HMG20A: variants seen among roughly 807,000 people sequenced by gnomAD.
The protein encoded by HMG20A is high mobility group 20A, also known as high mobility group protein 20A.
HMG20A carries 17 observed loss-of-function variants against 43.9 expected under a neutral mutation model. That is an observed-to-expected ratio of 0.39 (90% CI 0.27 to 0.58). HMG20A has a LOEUF of 0.58. Among genes scored for constraint, HMG20A ranks in the 20% least tolerant of loss-of-function variants. HMG20A has a pLI of 0.59. For missense variants in HMG20A, 341 were observed against 438.2 expected, an observed-to-expected ratio of 0.78 and a Z score of 1.98; for synonymous variants, 132 against 147.5, an observed-to-expected ratio of 0.89 and a Z score of 0.76.
chr15:77,486,237 A>AGGAGATGT (rs1290518962), downstream of HMG20A, among the ~76,000 whole-genome samples: 1 of 151,248 alleles, frequency 6.6e-6, no homozygotes, highest in Admixed American at 6.6e-5. Flanking sequence ...GATAGAAGAA[A>AGGAGATGT]GGAGATGTGC....
At chr15:77,435,848 A>G (rs891391059) in intron 1 of HMG20A, among the ~76,000 whole-genome samples, 8 of 150,726 alleles carry the variant, frequency 5.3e-5, no homozygotes, top group African/African-American at 1.7e-4. Context: ...ATAGTCTGAC[A>G]CCACGCATTC....
the HMG20A span, among the ~76,000 whole-genome samples, chr15:77,513,386 A>C: frequency 2.0e-5 from 3 of 152,182 alleles, no homozygotes; most frequent in Non-Finnish European, 2.9e-5. Flanking sequence ...AGAAGTGCTT[A>C]TGTTTGCCAA....
At chr15:77,456,231 CAG>C (rs1302839077) in intron 1 of HMG20A, among the ~76,000 whole-genome samples, 1 of 152,172 alleles carries the variant, frequency 6.6e-6, no homozygotes, top group African/African-American at 2.4e-5. Flanking sequence ...AACACTCTAA[CAG>C]GGTCATGTTG....
intron 4 of HMG20A, 106 bp from the exon 5 acceptor site, chr15:77,470,804 C>A (rs950126126): frequency 1.0e-6 from 1 of 987,398 alleles, no homozygotes; most frequent in Non-Finnish European, 1.4e-6. Context: ...TCCCTATATT[C>A]TTTTCTTCCC....
chr15:77,511,544 C>G, the HMG20A span, among the ~76,000 whole-genome samples: 1 of 152,132 alleles, frequency 6.6e-6, no homozygotes, highest in Non-Finnish European at 1.5e-5. Flanking sequence ...AAGATAATAT[C>G]CAGAATATAT....
chr15:77,470,960 G>A lies in HMG20A; in HGVS notation c.501G>A (p.Leu167=). The stretch of plus-strand genomic sequence containing the variant: ...ATAAGGAGCGTTACATGAAGGAACT[G>A]GAACAGTATCAGAAAACAGAGGCCT... ...DRDKERYMKE[L]EQYQKTEAYK... is the part of the protein sequence containing the mutation. The change falls in exon 5 of 10, where the codon CTG becomes CTA. Residue 167 remains leucine, a synonymous_variant. Transcript: ENST00000336216. The A allele has an allele frequency of 1.2e-6, 2 of 1,612,556 alleles. No homozygotes were observed. Among genetic ancestry groups the A allele is most frequent in the South Asian group, 1.1e-5 (1 of 90,890 alleles).
At chr15:77,488,590 C>G (rs1473220046), downstream of HMG20A, among the ~76,000 whole-genome samples, 4 of 152,110 alleles carry the variant, frequency 2.6e-5, no homozygotes, top group South Asian at 8.3e-4. Context: ...AGGGCTTTAT[C>G]TGGAATGTAA....
chr15:77,497,934 T>C, the HMG20A span, among the ~76,000 whole-genome samples: 1 of 151,414 alleles, frequency 6.6e-6, no homozygotes, highest in Non-Finnish European at 1.5e-5. Flanking sequence ...CCCTTCTCTC[T>C]CTGGGACCAA....
the HMG20A span, among the ~76,000 whole-genome samples, chr15:77,490,610 C>A: frequency 6.6e-6 from 1 of 152,068 alleles, no homozygotes. Flanking sequence ...ATTTCTTGAG[C>A]CCAGGAGTTC....
chr15:77,447,400 T>G (rs1184227539), intron 1 of HMG20A, among the ~76,000 whole-genome samples: 4 of 152,158 alleles, frequency 2.6e-5, no homozygotes, highest in African/African-American at 7.2e-5. Context: ...GATGTTTTGG[T>G]TTTGTGGAGT....
the HMG20A span, among the ~76,000 whole-genome samples, chr15:77,495,964 G>A: frequency 2.6e-5 from 4 of 152,104 alleles, no homozygotes; most frequent in African/African-American, 4.8e-5. Flanking sequence ...CCTGAACCTC[G>A]CCACAAATTC....
At chr15:77,510,480 C>A in the HMG20A span, among the ~76,000 whole-genome samples, 9 of 152,182 alleles carry the variant, frequency 5.9e-5, no homozygotes, top group African/African-American at 2.2e-4. Context: ...AGCTTAAATG[C>A]ACTGGGGGAG....
the HMG20A span, among the ~76,000 whole-genome samples, chr15:77,511,536 G>A: frequency 2.0e-5 from 3 of 152,152 alleles, no homozygotes; most frequent in African/African-American, 7.2e-5. Flanking sequence ...AAGCACATAA[G>A]ATAATATCCA....
At chr15:77,430,784 G>A (rs1294583801) in intron 1 of HMG20A, among the ~76,000 whole-genome samples, 1 of 152,138 alleles carries the variant, frequency 6.6e-6, no homozygotes, top group Non-Finnish European at 1.5e-5. Context: ...AAGTTAATTT[G>A]TATTGCTTTA....
chr15:77,431,823 A>G (rs868804695), intron 1 of HMG20A, among the ~76,000 whole-genome samples: 2 of 148,950 alleles, frequency 1.3e-5, no homozygotes, highest in Admixed American at 6.7e-5. Flanking sequence ...GGTAACTACC[A>G]TTCTACTCTA....
chr15:77,512,440 A>C, the HMG20A span, among the ~76,000 whole-genome samples: 11 of 141,374 alleles, frequency 7.8e-5, no homozygotes, highest in Admixed American at 1.4e-4. Context: ...ATAAAAATGT[A>C]AAATTAAAGA....
intron 1 of HMG20A, among the ~76,000 whole-genome samples, chr15:77,431,175 T>C (rs2142274952): frequency 6.6e-6 from 1 of 152,268 alleles, no homozygotes; most frequent in South Asian, 2.1e-4. Flanking sequence ...TTTGTTTGTT[T>C]TTTTGCTTTT....
downstream of HMG20A, among the ~76,000 whole-genome samples, chr15:77,488,552 G>T (rs2072957134): frequency 6.6e-6 from 1 of 152,082 alleles, no homozygotes; most frequent in African/African-American, 2.4e-5. Flanking sequence ...GAGTCAGGGT[G>T]GGGGATCAGT....
intron 1 of HMG20A, among the ~76,000 whole-genome samples, chr15:77,454,759 G>A (rs1314411064): frequency 6.6e-6 from 1 of 152,162 alleles, no homozygotes; most frequent in African/African-American, 2.4e-5. Flanking sequence ...GGACAGAGAA[G>A]GGAAAATCAA....
Sources: gnomAD v4.1 joint callset for allele counts (sites outside exome capture counted in the v4.1 genomes callset) on GRCh38, gnomAD v4.1.1 for gene constraint, MANE v1.5 for transcripts, NCBI Gene and HGNC (gene_info 2026-07-23, HGNC 2026-07-21) for gene names.